SCAPER: variants seen among roughly 807,000 people sequenced by gnomAD.
SCAPER encodes the protein S-phase cyclin A associated protein in the ER.
SCAPER carries 98 observed loss-of-function variants against 182.2 expected under a neutral mutation model. The observed-to-expected ratio is 0.54, with a 90% CI of 0.46 to 0.64. The LOEUF is 0.64. Among genes scored for constraint, SCAPER ranks in the 30% least tolerant of loss-of-function variants. SCAPER has a pLI of 0.00. For synonymous variants in SCAPER, 605 were observed against 564.6 expected, an observed-to-expected ratio of 1.07 and a Z score of -1.01; for missense variants, 1,432 against 1,690.0, an observed-to-expected ratio of 0.85 and a Z score of 2.68.
intron 23 of SCAPER, among the ~76,000 whole-genome samples, chr15:76,508,810 T>A (rs1343334346): frequency 1.3e-5 from 2 of 152,188 alleles, no homozygotes; most frequent in African/African-American, 4.8e-5. Context: ...CTCCAGAAAG[T>A]TCCCCCATGC....
At chr15:76,375,675 A>G (rs1279701872) in intron 29 of SCAPER, among the ~76,000 whole-genome samples, 1 of 152,206 alleles carries the variant, frequency 6.6e-6, no homozygotes, top group Non-Finnish European at 1.5e-5. Flanking sequence ...GGGCTAATCT[A>G]GTTCTTATCA....
At position 76,376,259 on chromosome 15, in the gene SCAPER, G is replaced by C. The variant is rs768530315; in HGVS notation, c.3758C>G (p.Ser1253Cys). 2 of 1,613,884 alleles carry C rather than the reference G, an allele frequency of 1.2e-6. No homozygotes were observed. Among genetic ancestry groups the C allele is most frequent in the East Asian group, 4.5e-5 (2 of 44,876 alleles). Reference sequence around the variant, plus strand: ...GACTTGGCTGCAGTGGCCCAGCAGGGAGCTGGCCATGTGCCGGAATGCAAG... The same window carrying C: ...GACTTGGCTGCAGTGGCCCAGCAGGCAGCTGGCCATGTGCCGGAATGCAAG... Reference protein sequence around the residue: ...LSLAFRHMASSLLGHCSQVSC... With the variant: ...LSLAFRHMASCLLGHCSQVSC... The change falls in exon 29 of 32, where the codon TCC (serine) becomes TGC (cysteine). Residue 1253 changes from serine to cysteine, a missense_variant. Ser to Cys is a moderately radical substitution (Grantham distance 112). Transcript: ENST00000563290.
At chr15:76,849,992 C>T (rs71405228) in intron 4 of SCAPER, among the ~76,000 whole-genome samples, 103 of 152,218 alleles carry the variant, frequency 6.8e-4, no homozygotes, top group African/African-American at 2.2e-3. Flanking sequence ...CTCACTATCA[C>T]GAGAACAGCA....
At chr15:76,625,544 C>T (rs62026889) in intron 21 of SCAPER, among the ~76,000 whole-genome samples, 48,213 of 151,810 alleles carry the variant, frequency 0.32, 7,897 homozygotes, top group East Asian at 0.55. Flanking sequence ...GGAATGTCAA[C>T]GGGGTTTGAG....
intron 29 of SCAPER, among the ~76,000 whole-genome samples, chr15:76,373,246 T>C (rs2042314324): frequency 6.6e-6 from 1 of 151,952 alleles, no homozygotes; most frequent in South Asian, 2.1e-4. Context: ...CAGGGTTTCA[T>C]AATGTTGGCC....
At chr15:76,625,596 A>G (rs2146162925) in intron 21 of SCAPER, among the ~76,000 whole-genome samples, 1 of 152,268 alleles carries the variant, frequency 6.6e-6, no homozygotes, top group African/African-American at 2.4e-5. Flanking sequence ...GGCAGAATGT[A>G]GCTCTGGTAG....
At chr15:76,544,536 T>A (rs927501189) in intron 23 of SCAPER, among the ~76,000 whole-genome samples, 3 of 152,180 alleles carry the variant, frequency 2.0e-5, no homozygotes, top group African/African-American at 7.2e-5. Context: ...CCTTGAAATT[T>A]ATCTAATGTG....
chr15:76,658,280 G>A (rs1369878227), intron 21 of SCAPER, among the ~76,000 whole-genome samples: 1 of 152,030 alleles, frequency 6.6e-6, no homozygotes, highest in Non-Finnish European at 1.5e-5. Flanking sequence ...TCCAAGCTGA[G>A]GGCCAATTCA....
intron 22 of SCAPER, among the ~76,000 whole-genome samples, chr15:76,611,315 T>C (rs1486344214): frequency 6.6e-6 from 1 of 151,286 alleles, no homozygotes; most frequent in Non-Finnish European, 1.5e-5. Flanking sequence ...GAAGAAAACA[T>C]AAGAAAAAAA....
At position 76,841,915 on chromosome 15, in the gene SCAPER, C is replaced by T. The variant is rs758002818; in HGVS notation, c.212G>A (p.Cys71Tyr). 6.2e-7 allele frequency: 1 copy of T among 1,613,672 alleles called. No individual in the cohort carries two copies. The highest frequency in any genetic ancestry group is 8.5e-7 in the Non-Finnish European group (1 of 1,179,780). ...TCCAGTCGTAGACGATGTTATTTTA[C>T]AGTCCACTGCAGTACTCTGGTGAAG... ...KTTKQSTAVD[C>Y]KITSSTTGDK... is the part of the protein sequence containing the mutation. Residue 71 changes from cysteine (C) to tyrosine (Y), a missense_variant, in exon 5 of 32, where the codon TGT becomes TAT. Around this residue, in one of 5 missense-constraint regions of SCAPER, gnomAD observed 480 missense variants for 510.2 expected, o/e 0.94. Transcript: ENST00000563290.
At chr15:76,427,032 C>T (rs1477930538) in intron 26 of SCAPER, among the ~76,000 whole-genome samples, 1 of 152,118 alleles carries the variant, frequency 6.6e-6, no homozygotes, top group Admixed American at 6.5e-5. Flanking sequence ...AAGAATGAGA[C>T]TAGAACCCTA....
intron 22 of SCAPER, among the ~76,000 whole-genome samples, chr15:76,606,841 C>T (rs1171948174): frequency 3.3e-5 from 5 of 152,084 alleles, no homozygotes; most frequent in Admixed American, 1.3e-4. Context: ...ATTGCAACTC[C>T]TGCCTTTTTT....
rs374326386 is a variant in SCAPER, at chr15:76,733,292, A to C, written c.1959T>G (p.Asn653Lys). Residue 653 changes from asparagine to lysine, a missense_variant, in exon 16 of 32, where the codon AAT (asparagine) becomes AAG (lysine). This residue lies in a region of SCAPER where 88 missense variants were observed against 184.2 expected (regional missense o/e 0.48). Transcript: ENST00000563290. ...SKLKEYEQRL[N>K]ELQEERQRRQ... ...TTCTCTGACGCTCTTCCTGTAGCTC[A>C]TTAAGCCTCTGTTCATATTCCTTCA... 1.2e-6 allele frequency: 2 copies of C among 1,610,690 alleles called. No homozygotes were observed. The highest frequency in any genetic ancestry group is 2.7e-5 in the African/African-American group (2 of 75,022).
intron 24 of SCAPER, among the ~76,000 whole-genome samples, chr15:76,495,600 A>AG (rs1192122409): frequency 1.3e-4 from 20 of 150,006 alleles, no homozygotes; most frequent in South Asian, 1.3e-3. Context: ...AAAAAAAAAA[A>AG]AGAGAGAGAG....
intron 25 of SCAPER, among the ~76,000 whole-genome samples, chr15:76,469,934 C>T (rs2143000099): frequency 1.1e-4 from 1 of 9,300 alleles, no homozygotes; most frequent in South Asian, 0.05. Flanking sequence ...TATTTTAATG[C>T]CTTATTTTTT....
At chr15:76,659,429 A>C (rs2055938068) in intron 21 of SCAPER, among the ~76,000 whole-genome samples, 1 of 152,122 alleles carries the variant, frequency 6.6e-6, no homozygotes, top group Non-Finnish European at 1.5e-5. Flanking sequence ...GCCACTATGC[A>C]CTGCTAACTT....
chr15:76,385,170 T>C (rs1261160162), intron 27 of SCAPER: 1 of 152,226 alleles, frequency 6.6e-6, no homozygotes, highest in Non-Finnish European at 1.5e-5. Context: ...AAACCTACTT[T>C]ACCTTAAAGG....
chr15:76,597,600 G>T (rs1337674165), intron 22 of SCAPER, among the ~76,000 whole-genome samples: 1 of 120,850 alleles, frequency 8.3e-6, no homozygotes, highest in African/African-American at 2.5e-5. Flanking sequence ...TACCAAAACA[G>T]ATATATAGAC....
chr15:76,471,679 A>G (rs2050182520), intron 24 of SCAPER, among the ~76,000 whole-genome samples: 1 of 152,192 alleles, frequency 6.6e-6, no homozygotes, highest in Non-Finnish European at 1.5e-5. Flanking sequence ...ACCCAGAAAA[A>G]AAAGGAAAAG....
Sources: allele counts gnomAD v4.1 joint callset (sites outside exome capture counted in the v4.1 genomes callset), GRCh38; gene constraint gnomAD v4.1.1; regional missense constraint gnomAD v4.1.1; transcripts MANE v1.5; gene names NCBI Gene and HGNC (gene_info 2026-07-23, HGNC 2026-07-21).